The following STK32A variants were observed in gnomAD, a reference collection of about 807,000 sequenced individuals.
The protein encoded by STK32A is serine/threonine-protein kinase 32A.
Under a neutral mutation model 53.2 loss-of-function variants are expected in STK32A, and 41 were observed. That is an observed-to-expected ratio of 0.77 (90% confidence interval 0.60 to 1.00). The LOEUF (loss-of-function observed/expected upper bound fraction) is 1.00, where lower values mean the gene tolerates loss of function less well. Ranked by LOEUF, STK32A falls within the 50% of genes least tolerant of loss-of-function variation. STK32A has a pLI of 0.00. For synonymous variants in STK32A, 166 were observed against 162.8 expected, an observed-to-expected ratio of 1.02 and a Z score of -0.15; for missense variants, 458 against 485.8, an observed-to-expected ratio of 0.94 and a Z score of 0.54.
chr5:147,312,233 T>C (rs987630657), intron 4 of STK32A, among the ~76,000 whole-genome samples: 1 of 152,162 alleles, frequency 6.6e-6, no homozygotes, highest in African/African-American at 2.4e-5. Flanking sequence ...CCAAAGTAGC[T>C]GGAATACAGG....
intron 4 of STK32A, among the ~76,000 whole-genome samples, chr5:147,314,355 G>T (rs1419895124): frequency 6.6e-6 from 1 of 151,932 alleles, no homozygotes; most frequent in Non-Finnish European, 1.5e-5. Flanking sequence ...AAAATTAGCT[G>T]GGTGTGGTGT....
At chr5:147,321,324 A>G (rs1025626203) in intron 4 of STK32A, among the ~76,000 whole-genome samples, 2 of 152,170 alleles carry the variant, frequency 1.3e-5, no homozygotes, top group African/African-American at 4.8e-5. Context: ...ATATTGCCCA[A>G]TTGTGTTATG....
chr5:147,364,813 T>C (rs993469873), intron 8 of STK32A, among the ~76,000 whole-genome samples: 1 of 152,180 alleles, frequency 6.6e-6, no homozygotes, highest in African/African-American at 2.4e-5. Flanking sequence ...AAGGGCTTCA[T>C]CTCCAAATAC....
intron 5 of STK32A, among the ~76,000 whole-genome samples, chr5:147,340,992 G>T (rs1447194769): frequency 6.6e-6 from 1 of 152,094 alleles, no homozygotes; most frequent in East Asian, 1.9e-4. Context: ...GTAGTTTCTG[G>T]GAAAAGTAGT....
chr5:147,375,435 G>A (rs1757197689), intron 11 of STK32A: 1 of 436,566 alleles, frequency 2.3e-6, no homozygotes, highest in Non-Finnish European at 4.0e-6. Context: ...CTAGAGTTCT[G>A]CCATTAACTT....
intron 2 of STK32A, among the ~76,000 whole-genome samples, 161 bp from the exon 3 acceptor site, chr5:147,277,963 G>A (rs904120604): frequency 6.6e-6 from 1 of 152,152 alleles, no homozygotes; most frequent in African/African-American, 2.4e-5. Context: ...TACATAGTAA[G>A]TGTTCAACAG....
intron 2 of STK32A, among the ~76,000 whole-genome samples, chr5:147,259,448 C>G (rs1238474074): frequency 1.3e-5 from 2 of 152,010 alleles, no homozygotes; most frequent in Non-Finnish European, 2.9e-5. Flanking sequence ...AGGCTATGCC[C>G]TTGTTTATAC....
Position 147,384,159 on chromosome 5 carries a change from G to A in STK32A, c.*176G>A. 1.4e-6 allele frequency: 2 copies of A among 1,447,566 alleles called. No individual in the cohort carries two copies. Among genetic ancestry groups the A allele is most frequent in the Non-Finnish European group, 1.8e-6 (2 of 1,114,022 alleles). 89.7% of individuals were successfully genotyped at this position (1,447,566 alleles called of 1,614,324 possible). On this transcript the variant is annotated 3_prime_UTR_variant, in exon 13 of 13. Transcript: ENST00000397936. ...GAAGGGTCCTGGGCCTGAGCTCCTG[G>A]GATGTCATTTCACATCAATCAACTG...
chr5:147,270,476 A>G (rs529872372), intron 2 of STK32A, among the ~76,000 whole-genome samples: 1 of 152,286 alleles, frequency 6.6e-6, no homozygotes, highest in Admixed American at 6.5e-5. Flanking sequence ...AGCCTCTCAA[A>G]GTGCTAGAAT....
chr5:147,276,372 G>A (rs1755260781), intron 2 of STK32A, among the ~76,000 whole-genome samples: 1 of 151,996 alleles, frequency 6.6e-6, no homozygotes, highest in African/African-American at 2.4e-5. Flanking sequence ...AGGCATTTCT[G>A]GTATTTTCTA....
At chr5:147,269,400 A>G (rs564765081) in intron 2 of STK32A, among the ~76,000 whole-genome samples, 56 of 152,270 alleles carry the variant, frequency 3.7e-4, no homozygotes, top group African/African-American at 1.3e-3. Flanking sequence ...ATGTCTTGGA[A>G]AGCCTCTACT....
At chr5:147,328,622 C>G (rs1754716209) in intron 5 of STK32A, among the ~76,000 whole-genome samples, 1 of 152,110 alleles carries the variant, frequency 6.6e-6, no homozygotes, top group African/African-American at 2.4e-5. Flanking sequence ...GTATAATATT[C>G]TCTTTTGCTT....
chr5:147,282,226 T>C lies in STK32A; in HGVS notation c.260+2828T>C, dbSNP rs183708195. Among the ~76,000 whole-genome samples, 313 of 152,038 alleles carry C rather than the reference T, an allele frequency of 2.1e-3. 1 individual carries two copies. The highest frequency in any genetic ancestry group is 7.2e-3 in the African/African-American group (300 of 41,470). On this transcript the variant is annotated intron_variant, in intron 4 of 12. Transcript: ENST00000397936. The stretch of plus-strand genomic sequence containing the variant: ...AAGCAAAAACAAAACCAAAAAAATC[T>C]GCAGGACCCAGGAGACCACCCCCCA...
chr5:147,323,865 T>C (rs1239774307), intron 4 of STK32A, 33 bp from the exon 5 acceptor site: 3 of 1,570,196 alleles, frequency 1.9e-6, no homozygotes, highest in Middle Eastern at 1.9e-4. Context: ...TGTAAATATA[T>C]TTGATAAGTT....
At chr5:147,344,966 C>T (rs1305642786) in intron 6 of STK32A, among the ~76,000 whole-genome samples, 1 of 152,210 alleles carries the variant, frequency 6.6e-6, no homozygotes, top group Non-Finnish European at 1.5e-5. Context: ...CAGTCAACTT[C>T]TTCCTCCTCC....
In STK32A at chr5:147,259,936, T is replaced by C. The variant is rs544730900; in HGVS notation, c.53-18188T>C. On this transcript the variant is annotated intron_variant, in intron 2 of 12. Transcript: ENST00000397936. Reference sequence around the variant, plus strand: ...TCCCCTCTTGTCTCTCACTCCTGGCTGTCTCTCTCTCTCTCCTCTCTGTCT... The same window carrying C: ...TCCCCTCTTGTCTCTCACTCCTGGCCGTCTCTCTCTCTCTCCTCTCTGTCT... 5.1e-3 allele frequency among the ~76,000 whole-genome samples: 727 copies of C among 143,302 alleles called. 19 individuals are homozygous for C. Among genetic ancestry groups the C allele is most frequent in the African/African-American group, 0.018 (697 of 37,792 alleles). 94.0% of individuals were successfully genotyped at this position (143,302 alleles called of 152,430 possible).
At chr5:147,239,032 A>G (rs1460341670) in intron 1 of STK32A, among the ~76,000 whole-genome samples, 13 of 152,196 alleles carry the variant, frequency 8.5e-5, no homozygotes, top group Admixed American at 8.5e-4. Context: ...CCCCAAGTTC[A>G]GAAGAAGAAA....
chr5:147,251,957 C>A (rs762694255), intron 2 of STK32A, among the ~76,000 whole-genome samples: 8 of 152,130 alleles, frequency 5.3e-5, no homozygotes, highest in Non-Finnish European at 7.4e-5. Context: ...AATCCCAACA[C>A]TTTGGGAGGC....
intron 4 of STK32A, among the ~76,000 whole-genome samples, chr5:147,286,918 T>C (rs188254421): frequency 6.6e-6 from 1 of 152,248 alleles, no homozygotes; most frequent in East Asian, 1.9e-4. Flanking sequence ...GGGAGGAACT[T>C]TGGTTACAAA....
Sources: allele counts gnomAD v4.1 joint callset (sites outside exome capture counted in the v4.1 genomes callset), GRCh38; gene constraint gnomAD v4.1.1; transcripts MANE v1.5; gene names NCBI Gene and HGNC (gene_info 2026-07-23, HGNC 2026-07-21).